The following CTNNA2 variants were observed in gnomAD, a reference collection of about 807,000 sequenced individuals.
The protein encoded by CTNNA2 is catenin alpha-2.
In CTNNA2, 42 loss-of-function variants were observed where a neutral mutation model predicts 101.0. That is an observed-to-expected ratio of 0.42 (90% confidence interval 0.32 to 0.54). The LOEUF (loss-of-function observed/expected upper bound fraction) is 0.54. CTNNA2 is among the 20% of genes least tolerant of loss of function. The pLI, the probability that CTNNA2 is intolerant of heterozygous loss-of-function variation, is 0.14. For missense variants in CTNNA2, 871 were observed against 1,223.1 expected (o/e 0.71, Z 4.29); for synonymous variants, 450 against 456.4 (o/e 0.99, Z 0.18).
intron 9 of CTNNA2, among the ~76,000 whole-genome samples, chr2:80,455,499 G>A (rs1035830556): frequency 2.6e-5 from 4 of 152,182 alleles, no homozygotes; most frequent in Admixed American, 1.3e-4. Context: ...TGACATTAGG[G>A]TCTCCACGGC....
intron 7 of CTNNA2, among the ~76,000 whole-genome samples, chr2:80,266,211 C>T (rs911336698): frequency 1.3e-5 from 2 of 152,208 alleles, no homozygotes; most frequent in African/African-American, 2.4e-5. Context: ...ATTCCCCAAA[C>T]GTATTAGAGT....
intron 7 of CTNNA2, among the ~76,000 whole-genome samples, chr2:80,228,792 C>T (rs193203761): frequency 7.9e-5 from 12 of 152,278 alleles, no homozygotes; most frequent in East Asian, 7.7e-4. Context: ...GGAGAGCTTA[C>T]GTCACCATTT....
intron 14 of CTNNA2, among the ~76,000 whole-genome samples, chr2:80,584,441 C>T (rs1168328122): frequency 1.7e-4 from 8 of 45,792 alleles, no homozygotes; most frequent in South Asian, 5.0e-4. Flanking sequence ...GGGCGGGGGG[C>T]GGTTTAGGAG....
intron 3 of CTNNA2, among the ~76,000 whole-genome samples, chr2:79,791,110 G>C (rs546228228): frequency 1.2e-4 from 19 of 152,118 alleles, no homozygotes; most frequent in Non-Finnish European, 2.5e-4. Context: ...AATTAGCCCA[G>C]TGTACTTATT....
chr2:79,924,016 A>G (rs1686853899), intron 7 of CTNNA2, among the ~76,000 whole-genome samples: 1 of 152,270 alleles, frequency 6.6e-6, no homozygotes, highest in East Asian at 1.9e-4. Flanking sequence ...CTGCACTGCC[A>G]TGTTTATTGC....
chr2:79,200,772 T>A (rs1430405765), intron 2 of CTNNA2, among the ~76,000 whole-genome samples: 1 of 151,912 alleles, frequency 6.6e-6, no homozygotes, highest in African/African-American at 2.4e-5. Flanking sequence ...TACACACACA[T>A]CTTGGATGTT....
intron 3 of CTNNA2, among the ~76,000 whole-genome samples, chr2:79,828,190 G>T (rs892943350): frequency 1.3e-5 from 2 of 152,068 alleles, no homozygotes; most frequent in African/African-American, 4.8e-5. Context: ...CCTTCAAGTT[G>T]TTAATATTAA....
chr2:80,127,218 AT>A (rs1702186175), intron 7 of CTNNA2, among the ~76,000 whole-genome samples: 1 of 152,140 alleles, frequency 6.6e-6, no homozygotes, highest in East Asian at 1.9e-4. Context: ...ATGATTTACT[AT>A]TTTAGATCAA....
chr2:80,009,899 A>C (rs1693652169), intron 7 of CTNNA2, among the ~76,000 whole-genome samples: 1 of 152,154 alleles, frequency 6.6e-6, no homozygotes, highest in South Asian at 2.1e-4. Context: ...CAGACTTGGG[A>C]AACAGACCGT....
At chr2:79,761,307 TA>T (rs1056407418) in intron 3 of CTNNA2, among the ~76,000 whole-genome samples, 1 of 152,114 alleles carries the variant, frequency 6.6e-6, no homozygotes, top group Non-Finnish European at 1.5e-5. Context: ...AGTTTTACTT[TA>T]AAAAAACAGT....
chr2:79,696,338 C>T (rs1004849442), intron 2 of CTNNA2, among the ~76,000 whole-genome samples: 1 of 152,006 alleles, frequency 6.6e-6, no homozygotes, highest in Non-Finnish European at 1.5e-5. Context: ...ACTGATTTGT[C>T]CTAAGGTAGC....
chr2:80,212,026 A>G (rs1707924840), intron 7 of CTNNA2, among the ~76,000 whole-genome samples: 2 of 151,976 alleles, frequency 1.3e-5, no homozygotes, highest in South Asian at 4.2e-4. Context: ...TTTGTCTGTT[A>G]TTGGTGTATA....
chr2:79,211,877 G>C (rs921426400), intron 2 of CTNNA2, among the ~76,000 whole-genome samples: 1 of 152,106 alleles, frequency 6.6e-6, no homozygotes, highest in African/African-American at 2.4e-5. Flanking sequence ...GGGCTGCTTC[G>C]AGCGGGATTA....
chr2:80,354,935 C>A (rs1055195801), intron 7 of CTNNA2, among the ~76,000 whole-genome samples: 3 of 152,070 alleles, frequency 2.0e-5, no homozygotes, highest in Non-Finnish European at 4.4e-5. Context: ...GTGGGTGTTT[C>A]TTTCACCTCT....
At chr2:79,295,874 G>T (rs576977681) in intron 2 of CTNNA2, among the ~76,000 whole-genome samples, 1 of 99,630 alleles carries the variant, frequency 1.0e-5, no homozygotes, top group Admixed American at 8.8e-5. Context: ...TTCAGAGTGT[G>T]AATTTTGTTT....
intron 7 of CTNNA2, among the ~76,000 whole-genome samples, chr2:80,091,735 G>GA (rs771389717): frequency 1.3e-5 from 2 of 151,958 alleles, no homozygotes; most frequent in Non-Finnish European, 2.9e-5. Context: ...AGGAACATTA[G>GA]AAAAAATGGA....
intron 9 of CTNNA2, among the ~76,000 whole-genome samples, chr2:80,441,359 G>A (rs948016368): frequency 2.0e-5 from 3 of 152,272 alleles, no homozygotes; most frequent in African/African-American, 7.2e-5. Flanking sequence ...TTTTCAGGAA[G>A]GAGTAGGGCA....
intron 7 of CTNNA2, among the ~76,000 whole-genome samples, chr2:80,231,861 G>GC (rs1553473323): frequency 6.6e-6 from 1 of 151,948 alleles, no homozygotes; most frequent in Non-Finnish European, 1.5e-5. Context: ...TCCCTTACTA[G>GC]TTTTTTTTCC....
At chr2:79,217,507 G>T (rs1674282351) in intron 2 of CTNNA2, among the ~76,000 whole-genome samples, 1 of 152,094 alleles carries the variant, frequency 6.6e-6, no homozygotes, top group Non-Finnish European at 1.5e-5. Flanking sequence ...AGGAGTGGGG[G>T]CCACAAGGTG....
Sources: allele counts gnomAD v4.1 joint callset (sites outside exome capture counted in the v4.1 genomes callset), GRCh38; gene constraint gnomAD v4.1.1; transcripts MANE v1.5; gene names NCBI Gene and HGNC (gene_info 2026-07-23, HGNC 2026-07-21).